The following RPS6KC1 variants were observed in gnomAD, a reference collection of about 807,000 sequenced individuals.
RPS6KC1 encodes inactive ribosomal protein S6 kinase delta-1.
RPS6KC1 carries 54 observed loss-of-function variants against 103.8 expected under a neutral mutation model. The observed-to-expected ratio is 0.52, with a 90% CI of 0.42 to 0.65. The LOEUF (loss-of-function observed/expected upper bound fraction) is 0.65, where lower values mean the gene tolerates loss of function less well. Ranked by LOEUF, RPS6KC1 falls within the 30% of genes least tolerant of loss-of-function variation. RPS6KC1 has a pLI of 0.00. For synonymous variants in RPS6KC1, 439 were observed against 438.7 expected (o/e 1.00, Z -0.01); for missense variants, 1,151 against 1,253.8 (o/e 0.92, Z 1.24).
At chr1:213,662,816 C>G in the RPS6KC1 span, among the ~76,000 whole-genome samples, 1 of 152,194 alleles carries the variant, frequency 6.6e-6, no homozygotes, top group East Asian at 1.9e-4. Flanking sequence ...TGATCTGCCT[C>G]TATTTTTGCC....
At chr1:213,467,874 A>T in the RPS6KC1 span, among the ~76,000 whole-genome samples, 1 of 152,122 alleles carries the variant, frequency 6.6e-6, no homozygotes. Context: ...TTTGCATTTC[A>T]TTTCTGGTGT....
At chr1:213,789,781 A>G in the RPS6KC1 span, among the ~76,000 whole-genome samples, 1 of 152,186 alleles carries the variant, frequency 6.6e-6, no homozygotes, top group Non-Finnish European at 1.5e-5. Flanking sequence ...GATTCATGAT[A>G]ACATTGTCAC....
Position 213,094,897 on chromosome 1 carries a change from A to G in RPS6KC1, c.263-9557A>G, listed in dbSNP as rs75512787. ...AATATCCTCATTCTGGTTACAATGA[A>G]TGACTACTGCTTCTTTATAAATCAT... is the stretch of plus-strand genomic sequence containing the variant. On this transcript the variant is annotated intron_variant, in intron 3 of 14. Coordinates refer to ENST00000366960, the MANE Select transcript of RPS6KC1 (RefSeq NM_012424.6). 1.4e-4 allele frequency among the ~76,000 whole-genome samples: 21 copies of G among 152,368 alleles called. No individual in the cohort carries two copies. The East Asian group carries it at 3.5e-3, about 25-fold the overall frequency.
rs776131970 is a variant in RPS6KC1, at chr1:213,206,968, G to A, written c.1045-23529G>A. On this transcript the variant is annotated intron_variant, in intron 8 of 14. Transcript: ENST00000366960. ...TCTACCGAAAATACAAAAATTAGCC[G>A]GGCATGCTGCTGTGCGCCTGTAATC... 4.6e-5 allele frequency among the ~76,000 whole-genome samples: 7 copies of A among 152,140 alleles called. No individual in the cohort carries two copies. In the East Asian group the frequency reaches 5.8e-4, roughly 13 times the overall value.
chr1:213,323,617 T>C, the RPS6KC1 span, among the ~76,000 whole-genome samples: 1 of 152,330 alleles, frequency 6.6e-6, no homozygotes, highest in East Asian at 1.9e-4. Context: ...TAGAAACTTA[T>C]CAAGTCCCTA....
chr1:213,249,852 G>T (rs1388797760), intron 12 of RPS6KC1, among the ~76,000 whole-genome samples: 1 of 152,164 alleles, frequency 6.6e-6, no homozygotes, highest in Non-Finnish European at 1.5e-5. Flanking sequence ...AAACTCCCTT[G>T]AACAAGTAAT....
chr1:213,207,408 A>G (rs2093380313), intron 8 of RPS6KC1, among the ~76,000 whole-genome samples: 1 of 152,204 alleles, frequency 6.6e-6, no homozygotes, highest in African/African-American at 2.4e-5. Context: ...AACTTTTTCA[A>G]CAGGCTACCA....
At chr1:213,702,550 C>T in the RPS6KC1 span, among the ~76,000 whole-genome samples, 1 of 152,024 alleles carries the variant, frequency 6.6e-6, no homozygotes, top group South Asian at 2.1e-4. Context: ...TGGGGCCTCT[C>T]TCTTTTTAGC....
the RPS6KC1 span, among the ~76,000 whole-genome samples, chr1:213,847,380 C>T: frequency 3.4e-4 from 51 of 152,156 alleles, 1 homozygote; most frequent in Admixed American, 6.5e-5. Flanking sequence ...ACCATGAATA[C>T]CACGCCTCCA....
the RPS6KC1 span, among the ~76,000 whole-genome samples, chr1:213,824,356 T>A: frequency 5.1e-3 from 782 of 152,332 alleles, 3 homozygotes; most frequent in Non-Finnish European, 6.7e-3. Context: ...TTCCTCTCCC[T>A]CATCCTCCCT....
At chr1:213,433,691 C>T in the RPS6KC1 span, among the ~76,000 whole-genome samples, 6 of 152,288 alleles carry the variant, frequency 3.9e-5, no homozygotes, top group African/African-American at 1.2e-4. Flanking sequence ...AGTGCCATCT[C>T]ATTGTGACAT....
chr1:213,074,406 G>T (rs1004968240), intron 2 of RPS6KC1, among the ~76,000 whole-genome samples: 1 of 152,140 alleles, frequency 6.6e-6, no homozygotes, highest in Non-Finnish European at 1.5e-5. Context: ...TTTTCAATGG[G>T]AAAGTATTGA....
intron 6 of RPS6KC1, among the ~76,000 whole-genome samples, chr1:213,153,697 T>G (rs528354629): frequency 1.6e-4 from 24 of 152,360 alleles, no homozygotes; most frequent in Non-Finnish European, 2.8e-4. Context: ...GATCATTTAT[T>G]GCTCATTAAT....
the RPS6KC1 span, among the ~76,000 whole-genome samples, chr1:213,476,573 C>T: frequency 6.6e-6 from 1 of 152,106 alleles, no homozygotes; most frequent in Non-Finnish European, 1.5e-5. Context: ...CCTGTTCAGC[C>T]GTTTCACCCA....
intron 6 of RPS6KC1, among the ~76,000 whole-genome samples, chr1:213,142,118 T>G (rs184195306): frequency 6.6e-6 from 1 of 152,228 alleles, no homozygotes. Context: ...CCTTTATCAT[T>G]ATGTAATGCC....
the RPS6KC1 span, among the ~76,000 whole-genome samples, chr1:213,401,165 C>T: frequency 6.6e-6 from 1 of 152,074 alleles, no homozygotes; most frequent in Non-Finnish European, 1.5e-5. Flanking sequence ...TGGTTTTCCT[C>T]TGCTTAGGTG....
the RPS6KC1 span, among the ~76,000 whole-genome samples, chr1:213,308,036 G>C: frequency 1.9e-4 from 29 of 152,152 alleles, no homozygotes; most frequent in African/African-American, 6.5e-4. Context: ...AAGAGGCTGG[G>C]CATGGTGGCT....
At chr1:213,097,322 C>T (rs948553680) in intron 3 of RPS6KC1, among the ~76,000 whole-genome samples, 2 of 143,592 alleles carry the variant, frequency 1.4e-5, no homozygotes, top group African/African-American at 4.8e-5. Context: ...CCACTGCACT[C>T]CAGCCTGGGA....
the RPS6KC1 span, among the ~76,000 whole-genome samples, chr1:213,419,789 C>T: frequency 1.3e-5 from 2 of 152,304 alleles, no homozygotes; most frequent in East Asian, 3.9e-4. Flanking sequence ...GAGAAGTGAG[C>T]TGCATGTGTC....
Sources: gnomAD v4.1 joint callset for allele counts (sites outside exome capture counted in the v4.1 genomes callset) on GRCh38, gnomAD v4.1.1 for gene constraint, MANE v1.5 for transcripts, NCBI Gene and HGNC (gene_info 2026-07-23, HGNC 2026-07-21) for gene names.